RIN3: variants seen among roughly 807,000 people sequenced by gnomAD.
RIN3 encodes Ras and Rab interactor 3.
A neutral mutation model predicts 76.3 loss-of-function variants in RIN3; 54 were observed. The observed-to-expected ratio is 0.71, with a 90% CI of 0.57 to 0.89. RIN3 has a LOEUF of 0.89. Among genes scored for constraint, RIN3 ranks in the 40% least tolerant of loss-of-function variants. The pLI is 0.00. For missense variants in RIN3, 1,256 were observed against 1,322.1 expected (o/e 0.95, Z 0.78); for synonymous variants, 576 against 564.0 (o/e 1.02, Z -0.30).
chr14:92,638,416 G>T (rs1212334989), intron 4 of RIN3, among the ~76,000 whole-genome samples: 1 of 152,174 alleles, frequency 6.6e-6, no homozygotes, highest in African/African-American at 2.4e-5. Context: ...CAGACCAGGG[G>T]AGGCCCTGGA....
intron 4 of RIN3, among the ~76,000 whole-genome samples, chr14:92,635,463 G>A (rs1408104876): frequency 2.6e-5 from 4 of 152,152 alleles, no homozygotes; most frequent in East Asian, 1.9e-4. Flanking sequence ...AGCAAGCTGC[G>A]GAAAAGGGGA....
intron 4 of RIN3, among the ~76,000 whole-genome samples, chr14:92,633,861 G>A (rs1886676674): frequency 6.8e-6 from 1 of 148,108 alleles, no homozygotes; most frequent in Admixed American, 6.7e-5. Flanking sequence ...TTAGTGGTGT[G>A]TGTGTGTGTG....
In RIN3 at chr14:92,568,652, G is replaced by A. The variant is rs149676954; in HGVS notation, c.250-8708G>A. On this transcript the variant is annotated intron_variant, in intron 2 of 9. Coordinates refer to ENST00000216487, the MANE Select transcript of RIN3 (RefSeq NM_024832.5). This position sits in a 1 kb window ranked among gnomAD's most constrained non-coding sequence, Gnocchi z 4.2. ...ACCCATGGCCACCTGGGCAGGAAACGTCAGAGGACTCCTGGAGCCATGCCA... is the reference window on the plus strand; with the variant it reads ...ACCCATGGCCACCTGGGCAGGAAACATCAGAGGACTCCTGGAGCCATGCCA... 3.3e-5 allele frequency among the ~76,000 whole-genome samples: 5 copies of A among 152,338 alleles called. No homozygotes were observed. The highest frequency in any genetic ancestry group is 7.2e-5 in the African/African-American group (3 of 41,590).
In RIN3 at chr14:92,642,081, AT is replaced by A. The variant is rs760451219; in HGVS notation, c.532+762del. ...TTTCAGTGTGTGTTGGGAGCAGAGA[AT>A]TTTTTTTTTCTTTTTCTTTTCTTTC... On this transcript the variant is annotated intron_variant, in intron 5 of 9. Transcript: ENST00000216487. Among the ~76,000 whole-genome samples, 814 of 149,946 alleles carry A rather than the reference AT, an allele frequency of 5.4e-3. 6 individuals carry two copies. Among genetic ancestry groups the A allele is most frequent in the East Asian group, 0.033 (166 of 5,094 alleles).
chr14:92,554,981 T>C (rs1449569147), intron 1 of RIN3, among the ~76,000 whole-genome samples: 2 of 152,228 alleles, frequency 1.3e-5, no homozygotes, highest in African/African-American at 4.8e-5. Context: ...TTTTATATTC[T>C]TTTTATCACA....
chr14:92,527,405 A>G (rs903788609), intron 1 of RIN3, among the ~76,000 whole-genome samples: 7 of 151,812 alleles, frequency 4.6e-5, no homozygotes, highest in African/African-American at 1.5e-4. Flanking sequence ...GGCCCAGCTT[A>G]CTCCAGTAGG....
At chr14:92,594,012 G>T (rs1885072216) in intron 3 of RIN3, among the ~76,000 whole-genome samples, 2 of 152,118 alleles carry the variant, frequency 1.3e-5, no homozygotes, top group South Asian at 4.1e-4. Context: ...AACTGGATAT[G>T]GTGGACATCT....
intron 3 of RIN3, among the ~76,000 whole-genome samples, chr14:92,579,280 C>T (rs553153803): frequency 3.1e-4 from 47 of 152,330 alleles, no homozygotes; most frequent in Middle Eastern, 3.4e-3. Flanking sequence ...ACAAAGGCGG[C>T]CTGGTCTCCA....
chr14:92,567,849 A>T (rs886799636), intron 2 of RIN3, among the ~76,000 whole-genome samples: 2 of 152,146 alleles, frequency 1.3e-5, no homozygotes, highest in African/African-American at 4.8e-5. Context: ...TTGTCTAATG[A>T]TATTAGGCAC....
At chr14:92,559,583 G>C (rs531699420) in intron 2 of RIN3, among the ~76,000 whole-genome samples, 13 of 152,224 alleles carry the variant, frequency 8.5e-5, no homozygotes, top group South Asian at 4.1e-4. Context: ...AAAGGCACCA[G>C]GTGGGGTTAG....
chr14:92,580,119 G>A (rs1459303402), intron 3 of RIN3, among the ~76,000 whole-genome samples: 1 of 152,262 alleles, frequency 6.6e-6, no homozygotes, highest in South Asian at 2.1e-4. Flanking sequence ...GCTCAAGCCT[G>A]TAATCCCAGC....
intron 2 of RIN3, among the ~76,000 whole-genome samples, chr14:92,558,733 G>A (rs983932675): frequency 7.2e-5 from 11 of 152,344 alleles, no homozygotes; most frequent in Middle Eastern, 6.8e-3. Flanking sequence ...GGGAGCCAGC[G>A]TGGAACACAC....
chr14:92,683,941 T>C (rs1281632330), intron 8 of RIN3, among the ~76,000 whole-genome samples: 1 of 152,160 alleles, frequency 6.6e-6, no homozygotes, highest in Admixed American at 6.5e-5. Flanking sequence ...CCATCATAAA[T>C]TGAAAATATC....
At chr14:92,548,895 A>G (rs1262050965) in intron 1 of RIN3, among the ~76,000 whole-genome samples, 1 of 152,116 alleles carries the variant, frequency 6.6e-6, no homozygotes, top group Non-Finnish European at 1.5e-5. Context: ...TCAGGCAGGT[A>G]TGAGGATGAC....
chr14:92,655,625 C>T (rs372114321), intron 6 of RIN3, among the ~76,000 whole-genome samples: 22 of 152,350 alleles, frequency 1.4e-4, no homozygotes, highest in African/African-American at 4.6e-4. Flanking sequence ...CAGAGAGACT[C>T]AGACTCAGTG....
intron 2 of RIN3, among the ~76,000 whole-genome samples, chr14:92,567,280 C>T (rs1897938450): frequency 6.6e-6 from 1 of 152,228 alleles, no homozygotes; most frequent in Non-Finnish European, 1.5e-5. Context: ...ACCTACTTTA[C>T]ATAACAAACC....
intron 1 of RIN3, among the ~76,000 whole-genome samples, chr14:92,520,633 A>G (rs147097969): frequency 0.013 from 1,991 of 152,358 alleles, 20 homozygotes; most frequent in Non-Finnish European, 0.02. Context: ...GGGCACCCCA[A>G]CAGTAGCAGA....
intron 1 of RIN3, among the ~76,000 whole-genome samples, chr14:92,524,457 C>T (rs1490455713): frequency 6.6e-6 from 1 of 152,202 alleles, no homozygotes; most frequent in Non-Finnish European, 1.5e-5. Flanking sequence ...TTGAATTCCC[C>T]TTTCCAGGGA....
intron 1 of RIN3, among the ~76,000 whole-genome samples, chr14:92,538,076 C>T (rs1595397142): frequency 2.0e-5 from 3 of 151,436 alleles, no homozygotes; most frequent in East Asian, 1.9e-4. Flanking sequence ...CCACCTGCCT[C>T]GGCCTCCCAA....
Sources: allele counts gnomAD v4.1 joint callset (sites outside exome capture counted in the v4.1 genomes callset), GRCh38; gene constraint gnomAD v4.1.1; non-coding constraint Gnocchi (gnomAD v3.1); transcripts MANE v1.5; gene names NCBI Gene and HGNC (gene_info 2026-07-23, HGNC 2026-07-21).